Variants in PARD3B observed in about 807,000 individuals in gnomAD.
PARD3B encodes the protein partitioning defective 3 homolog B.
In PARD3B, 103 loss-of-function variants were observed where a neutral mutation model predicts 130.2. That is an observed-to-expected ratio of 0.79 (90% CI 0.67 to 0.93). The LOEUF is 0.93. Among genes scored for constraint, PARD3B ranks in the 40% least tolerant of loss-of-function variants. PARD3B has a pLI of 0.00. For missense variants in PARD3B, 1,609 were observed against 1,499.2 expected, an observed-to-expected ratio of 1.07 and a Z score of -1.21; for synonymous variants, 583 against 553.2, an observed-to-expected ratio of 1.05 and a Z score of -0.76.
intron 18 of PARD3B, among the ~76,000 whole-genome samples, chr2:205,362,611 T>A (rs1157505798): frequency 6.6e-6 from 1 of 152,232 alleles, no homozygotes; most frequent in Non-Finnish European, 1.5e-5. Flanking sequence ...AACAAGGGCC[T>A]ATAATCTTAA....
intron 3 of PARD3B, among the ~76,000 whole-genome samples, chr2:205,017,159 C>T (rs896432565): frequency 3.9e-5 from 6 of 152,106 alleles, no homozygotes; most frequent in African/African-American, 1.2e-4. Flanking sequence ...ATCAACAAAG[C>T]ATGTGAAGGA....
chr2:205,165,655 T>C (rs564374421), intron 11 of PARD3B, among the ~76,000 whole-genome samples: 1 of 150,606 alleles, frequency 6.6e-6, no homozygotes, highest in African/African-American at 2.4e-5. Context: ...GAGGCGGAGG[T>C]TGCAATGAGC....
At chr2:205,185,684 G>C in intron 13 of PARD3B, 80 bp from the exon 14 acceptor site, 1 of 1,180,524 alleles carries the variant, frequency 8.5e-7, no homozygotes, top group South Asian at 1.2e-5. Context: ...AACTGCGTCT[G>C]AGAGAGATAC....
Position 205,616,259 on chromosome 2 carries a change from C to T in PARD3B, c.*446C>T, listed in dbSNP as rs956016767. On this transcript the variant is annotated 3_prime_UTR_variant, in exon 23 of 23. Transcript: ENST00000406610. ...TACCCGCTCCGAGGTGGAGCCTCAG[C>T]CCCCTTCTTAGAGCTGTTAAGTCTA... is the stretch of plus-strand genomic sequence containing the variant. 1.2e-5 allele frequency: 2 copies of T among 163,000 alleles called. No individual in the cohort carries two copies. The highest frequency in any genetic ancestry group is 4.8e-5 in the African/African-American group (2 of 41,670). The allele number at this position is 163,000 out of a possible 1,614,324, so 10.1% of individuals were successfully genotyped here.
At chr2:205,332,675 TC>T (rs1035180829) in intron 18 of PARD3B, among the ~76,000 whole-genome samples, 11 of 152,116 alleles carry the variant, frequency 7.2e-5, no homozygotes, top group African/African-American at 1.9e-4. Context: ...CAAGACGGCT[TC>T]CCCTCTTCTC....
At chr2:204,869,490 G>A (rs772677566) in intron 2 of PARD3B, among the ~76,000 whole-genome samples, 3 of 151,964 alleles carry the variant, frequency 2.0e-5, no homozygotes, top group Admixed American at 1.3e-4. Context: ...ACAATTTCTG[G>A]GTTTTGCCAA....
chr2:205,100,615 C>T (rs746000032), intron 4 of PARD3B, among the ~76,000 whole-genome samples: 4 of 152,016 alleles, frequency 2.6e-5, no homozygotes, highest in Non-Finnish European at 1.5e-5. Flanking sequence ...TTGACTGTGT[C>T]GTACTGACAT....
At chr2:204,777,339 T>C (rs1171360467) in intron 2 of PARD3B, among the ~76,000 whole-genome samples, 1 of 152,196 alleles carries the variant, frequency 6.6e-6, no homozygotes. Context: ...GCCAATAATC[T>C]TTCTGCTACA....
chr2:204,605,145 T>C (rs2033663533), intron 1 of PARD3B, among the ~76,000 whole-genome samples: 1 of 152,168 alleles, frequency 6.6e-6, no homozygotes, highest in Non-Finnish European at 1.5e-5. Context: ...TGTGACCTGG[T>C]GTCAGAAATG....
At chr2:205,517,603 A>ATTTCT (rs1192095304) in intron 21 of PARD3B, among the ~76,000 whole-genome samples, 1 of 150,904 alleles carries the variant, frequency 6.6e-6, no homozygotes, top group Non-Finnish European at 1.5e-5. Flanking sequence ...GATTTTTGTT[A>ATTTCT]TTTCTTATCT....
rs545600284 is a variant in PARD3B at position 205,603,530 on chromosome 2, G to T, written c.3261-11926G>T. 5.9e-5 allele frequency among the ~76,000 whole-genome samples: 9 copies of T among 152,266 alleles called. No homozygotes were observed. In the South Asian group the frequency reaches 1.9e-3, roughly 32 times the overall value. On this transcript the variant is annotated intron_variant, in intron 22 of 22. Coordinates refer to ENST00000406610, the MANE Select transcript of PARD3B (RefSeq NM_001302769.2). ...AAGAACCTGTTTTATGAATCTGGGT[G>T]CTCCTGTATTGGGTGCATATATATT...
At position 205,291,238 on chromosome 2, in the gene PARD3B, CA is replaced by C. The variant is rs1468383272; in HGVS notation, c.2186-9285del. Among the ~76,000 whole-genome samples the C allele has an allele frequency of 6.6e-6, 1 of 151,848 alleles. No homozygotes were observed. The highest frequency in any genetic ancestry group is 1.9e-4 in the East Asian group (1 of 5,172). On this transcript the variant is annotated intron_variant, in intron 16 of 22. Transcript: ENST00000406610. This position sits in a 1 kb window ranked among gnomAD's most constrained non-coding sequence, Gnocchi z 4.6. ...GGCTCCAAAGCAAAACAAAAACAAA[CA>C]AAAAAAGCAACAGCAACGACAAAAA... is the stretch of plus-strand genomic sequence containing the variant.
intron 18 of PARD3B, among the ~76,000 whole-genome samples, chr2:205,387,261 A>G (rs2045693928): frequency 6.6e-6 from 1 of 152,196 alleles, no homozygotes; most frequent in Non-Finnish European, 1.5e-5. Context: ...ATTACTATTC[A>G]TGAATCTTCT....
chr2:204,556,196 T>G (rs1335734960), intron 1 of PARD3B, among the ~76,000 whole-genome samples: 1 of 152,162 alleles, frequency 6.6e-6, no homozygotes, highest in Admixed American at 6.5e-5. Flanking sequence ...CACCAAAATG[T>G]AGTAGCTGAA....
chr2:205,270,241 T>G (rs928381184), intron 16 of PARD3B, among the ~76,000 whole-genome samples: 3 of 152,088 alleles, frequency 2.0e-5, no homozygotes, highest in African/African-American at 7.2e-5. Flanking sequence ...TTTGTGTTGG[T>G]TAGGAATGCT....
intron 1 of PARD3B, among the ~76,000 whole-genome samples, chr2:204,577,480 A>G (rs1161272744): frequency 6.6e-6 from 1 of 152,184 alleles, no homozygotes; most frequent in Non-Finnish European, 1.5e-5. Flanking sequence ...ATTCCCTTGG[A>G]ATAAAATGGG....
intron 6 of PARD3B, 137 bp downstream of exon 6, chr2:205,113,714 G>A (rs1703820251): frequency 3.6e-6 from 2 of 550,148 alleles, no homozygotes; most frequent in Non-Finnish European, 6.2e-6. Context: ...TACTTCTGTT[G>A]GCCACTTAAG....
intron 18 of PARD3B, among the ~76,000 whole-genome samples, chr2:205,307,432 G>A (rs970530540): frequency 6.6e-5 from 10 of 152,126 alleles, no homozygotes; most frequent in African/African-American, 2.4e-4. Context: ...CAGCTCAAGA[G>A]CCTACCAATT....
intron 4 of PARD3B, among the ~76,000 whole-genome samples, chr2:205,058,071 C>T (rs942204291): frequency 6.6e-6 from 1 of 151,694 alleles, no homozygotes; most frequent in African/African-American, 2.4e-5. Flanking sequence ...CTCCTTATTC[C>T]CTCCTTTTCC....
Sources: gnomAD v4.1 joint callset for allele counts (sites outside exome capture counted in the v4.1 genomes callset) on GRCh38, gnomAD v4.1.1 for gene constraint, Gnocchi (gnomAD v3.1) non-coding constraint, MANE v1.5 for transcripts, NCBI Gene and HGNC (gene_info 2026-07-23, HGNC 2026-07-21) for gene names.